Variants in RBFOX3 observed in about 807,000 individuals in gnomAD.
The protein encoded by RBFOX3 is RNA binding fox-1 homolog 3.
RBFOX3 carries 17 observed loss-of-function variants against 48.7 expected under a neutral mutation model. The ratio of observed to expected loss-of-function variants is 0.35; its 90% CI spans 0.24 to 0.52. The LOEUF (loss-of-function observed/expected upper bound fraction) is 0.52. RBFOX3 is among the 20% of genes least tolerant of loss of function. The probability of loss-of-function intolerance (pLI) is 0.94; values close to 1 mark genes in which losing one functional copy is unlikely to be tolerated. For missense variants in RBFOX3, 382 were observed against 497.5 expected (o/e 0.77, Z 2.21); for synonymous variants, 212 against 209.5 (o/e 1.01, Z -0.10).
rs2057346311 is a variant in RBFOX3, at chr17:79,363,818, C to T, written c.-174-55994G>A. ...AGGTCAATCAGCTCGCACCCCTGCCCCACTCAGAACTCTCTGGGGCTGTCC... is the reference window on the plus strand; with the variant it reads ...AGGTCAATCAGCTCGCACCCCTGCCTCACTCAGAACTCTCTGGGGCTGTCC... On this transcript the variant is annotated intron_variant, in intron 2 of 14. Coordinates refer to ENST00000693108, the MANE Select transcript of RBFOX3 (RefSeq NM_001350451.2). This position sits in a 1 kb window ranked among gnomAD's most constrained non-coding sequence, Gnocchi z 4.7. Among the ~76,000 whole-genome samples, 1 of 152,102 alleles carries T rather than the reference C, an allele frequency of 6.6e-6. No homozygotes were observed. The highest frequency in any genetic ancestry group is 1.5e-5 in the Non-Finnish European group (1 of 68,002).
At chr17:79,401,071 G>T (rs947491424) in intron 2 of RBFOX3, among the ~76,000 whole-genome samples, 1 of 152,250 alleles carries the variant, frequency 6.6e-6, no homozygotes, top group Non-Finnish European at 1.5e-5. Context: ...CACAGACGCA[G>T]AGCCTCTCCA....
At position 79,385,917 on chromosome 17, in the gene RBFOX3, G is replaced by A. The variant is rs188034519; in HGVS notation, c.-174-78093C>T. The stretch of plus-strand genomic sequence containing the variant: ...GTTCCATCACCTCCCATTAGAGAGA[G>A]AGGCTCCATCACCCTCCATTGCGGA... On this transcript the variant is annotated intron_variant, in intron 2 of 14. Transcript: ENST00000693108. 2.6e-3 allele frequency among the ~76,000 whole-genome samples: 368 copies of A among 141,856 alleles called. 3 individuals carry two copies. Among genetic ancestry groups the A allele is most frequent in the Non-Finnish European group, 3.1e-3 (205 of 65,822 alleles). The allele number at this position is 141,856 out of a possible 152,430, so 93.1% of individuals were successfully genotyped here. A position where few individuals can be genotyped will look rare whatever the true frequency, so the allele number is the denominator to read the frequency against.
intron 1 of RBFOX3, among the ~76,000 whole-genome samples, chr17:79,566,637 A>G (rs992876752): frequency 3.3e-5 from 5 of 152,234 alleles, no homozygotes; most frequent in Non-Finnish European, 7.3e-5. Flanking sequence ...TGGGTCCCCA[A>G]CAACCCAGGC....
intron 10 of RBFOX3, 128 bp from the exon 11 acceptor site, chr17:79,097,552 GCTA>G: frequency 8.3e-7 from 1 of 1,199,404 alleles, no homozygotes; most frequent in Non-Finnish European, 1.1e-6. Context: ...CCCCCGGAGC[GCTA>G]CTCAGTCAAC....
intron 2 of RBFOX3, among the ~76,000 whole-genome samples, chr17:79,344,399 C>T (rs540615770): frequency 6.6e-6 from 1 of 152,182 alleles, no homozygotes; most frequent in South Asian, 2.1e-4. Context: ...ATTCTACAAG[C>T]ACCAATAAAA....
At chr17:79,348,476 G>GT (rs977578161) in intron 2 of RBFOX3, among the ~76,000 whole-genome samples, 22 of 151,126 alleles carry the variant, frequency 1.5e-4, no homozygotes, top group African/African-American at 5.4e-4. Context: ...TGTCTCATTG[G>GT]TTTCACTCTA....
At chr17:79,193,512 C>T (rs2054943933) in intron 4 of RBFOX3, among the ~76,000 whole-genome samples, 1 of 152,182 alleles carries the variant, frequency 6.6e-6, no homozygotes, top group African/African-American at 2.4e-5. Flanking sequence ...GGATTTATTC[C>T]CCCTGCTCTG....
At chr17:79,323,615 C>T (rs569586830) in intron 2 of RBFOX3, among the ~76,000 whole-genome samples, 26 of 152,352 alleles carry the variant, frequency 1.7e-4, no homozygotes, top group Middle Eastern at 3.4e-3. Context: ...GGACCTCCTC[C>T]CCAAGCCTCC....
At position 79,477,007 on chromosome 17, in the gene RBFOX3, T is replaced by A. The variant is rs996466694; in HGVS notation, c.-175+5447A>T. Among the ~76,000 whole-genome samples the A allele has an allele frequency of 4.0e-5, 6 of 151,658 alleles. No individual in the cohort carries two copies. The highest frequency in any genetic ancestry group is 1.5e-4 in the African/African-American group (6 of 41,308). ...CAGCACTTTGGGAGGCCTAGGTGGG[T>A]GGATCACTTGAGGTCAGGAGTTCGA... On this transcript the variant is annotated intron_variant, in intron 2 of 14. Transcript: ENST00000693108. This position sits in a 1 kb window ranked among gnomAD's most constrained non-coding sequence, Gnocchi z 4.8.
At chr17:79,610,485 T>C (rs1043494919) in intron 1 of RBFOX3, among the ~76,000 whole-genome samples, 5 of 149,846 alleles carry the variant, frequency 3.3e-5, no homozygotes, top group South Asian at 2.1e-4. Context: ...CCACCGCCAC[T>C]GCCACCGCCA....
At chr17:79,278,970 C>T (rs2069594605) in intron 3 of RBFOX3, among the ~76,000 whole-genome samples, 2 of 152,192 alleles carry the variant, frequency 1.3e-5, no homozygotes, top group South Asian at 4.1e-4. Flanking sequence ...CTTACATCTC[C>T]ACATGCTCCT....
chr17:79,621,999 G>A, the RBFOX3 span, among the ~76,000 whole-genome samples: 1 of 152,170 alleles, frequency 6.6e-6, no homozygotes, highest in Admixed American at 6.5e-5. Context: ...TGAACTGTGC[G>A]TGTCTTTGAA....
intron 2 of RBFOX3, among the ~76,000 whole-genome samples, chr17:79,309,835 G>C (rs1315177798): frequency 6.6e-6 from 1 of 152,098 alleles, no homozygotes; most frequent in Non-Finnish European, 1.5e-5. Context: ...CATGTAAGAC[G>C]CACCTCACTT....
chr17:79,239,164 C>G (rs78207569), intron 3 of RBFOX3, among the ~76,000 whole-genome samples: 3,343 of 152,288 alleles, frequency 0.022, 83 homozygotes, highest in East Asian at 0.062. Context: ...TCGGCTCCCC[C>G]TCCTCTTCTG....
the RBFOX3 span, among the ~76,000 whole-genome samples, chr17:79,628,419 G>T: frequency 3.9e-5 from 6 of 152,264 alleles, no homozygotes; most frequent in East Asian, 1.2e-3. Context: ...TTAGGGGATG[G>T]GTGCATAGAT....
At chr17:79,218,980 G>A (rs768939683) in intron 4 of RBFOX3, among the ~76,000 whole-genome samples, 8 of 152,310 alleles carry the variant, frequency 5.3e-5, no homozygotes, top group Non-Finnish European at 7.4e-5. Context: ...CCTTCTCCAC[G>A]GCTGCCATGG....
chr17:79,372,152 G>T (rs866125407), intron 2 of RBFOX3, among the ~76,000 whole-genome samples: 7 of 152,056 alleles, frequency 4.6e-5, no homozygotes, highest in Non-Finnish European at 8.8e-5. Flanking sequence ...GCCCGGTGCT[G>T]TGAGGGCTCC....
intron 2 of RBFOX3, among the ~76,000 whole-genome samples, chr17:79,373,754 C>T (rs1428518499): frequency 6.6e-6 from 1 of 152,144 alleles, no homozygotes; most frequent in African/African-American, 2.4e-5. Flanking sequence ...CAGCAAGTCA[C>T]GGGCCACCCT....
chr17:79,500,063 G>C (rs1016031755), intron 1 of RBFOX3, among the ~76,000 whole-genome samples: 1 of 152,068 alleles, frequency 6.6e-6, no homozygotes. Context: ...GTTTCCACTT[G>C]TTCTGTCATT....
Sources: allele counts gnomAD v4.1 joint callset (sites outside exome capture counted in the v4.1 genomes callset), GRCh38; gene constraint gnomAD v4.1.1; non-coding constraint Gnocchi (gnomAD v3.1); transcripts MANE v1.5; gene names NCBI Gene and HGNC (gene_info 2026-07-23, HGNC 2026-07-21).